The following AP1S3 variants were observed in gnomAD, a reference collection of about 807,000 sequenced individuals.
AP1S3 encodes AP-1 complex subunit sigma-3.
AP1S3 carries 10 observed loss-of-function variants against 20.9 expected under a neutral mutation model. That is an observed-to-expected ratio of 0.48 (90% CI 0.29 to 0.81). AP1S3 has a LOEUF of 0.81. AP1S3 is among the 30% of genes least tolerant of loss of function. The pLI is 0.08. For synonymous variants in AP1S3, 41 were observed against 61.5 expected (o/e 0.67, Z 1.56); for missense variants, 154 against 183.8 (o/e 0.84, Z 0.94).
chr2:223,759,338 A>ACCT (rs1690298372), intron 4 of AP1S3, among the ~76,000 whole-genome samples: 1 of 152,200 alleles, frequency 6.6e-6, no homozygotes, highest in Non-Finnish European at 1.5e-5. Flanking sequence ...AAAGTTGCCA[A>ACCT]GATATCACTG....
chr2:223,777,398 C>T (rs914525923), intron 2 of AP1S3, among the ~76,000 whole-genome samples: 9 of 151,738 alleles, frequency 5.9e-5, no homozygotes, highest in Non-Finnish European at 8.8e-5. Context: ...CCGCCTCCAA[C>T]AAATTAAAAA....
chr2:223,770,727 A>ATT lies in AP1S3; in HGVS notation c.291+5172_291+5173dup, dbSNP rs764596538. ...TCCAGGAAGACCCTTAGACCAGTTCATTTTTTTTTTTTTTTTTTTGGAAAC... is the reference window on the plus strand; with the variant it reads ...TCCAGGAAGACCCTTAGACCAGTTCATTTTTTTTTTTTTTTTTTTTTGGAAAC... On this transcript the variant is annotated intron_variant, in intron 3 of 4. Coordinates refer to ENST00000396654, the MANE Select transcript of AP1S3 (RefSeq NM_001039569.2). Among the ~76,000 whole-genome samples, 291 of 115,302 alleles carry ATT rather than the reference A, an allele frequency of 2.5e-3. 33 individuals are homozygous for ATT. The highest frequency in any genetic ancestry group is 7.9e-3 in the African/African-American group (217 of 27,456). The allele number at this position is 115,302 out of a possible 152,430, so 75.6% of individuals were successfully genotyped here.
At chr2:223,791,347 G>T (rs1163446327) in intron 1 of AP1S3, among the ~76,000 whole-genome samples, 4 of 152,124 alleles carry the variant, frequency 2.6e-5, no homozygotes, top group African/African-American at 9.7e-5. Context: ...GATCAAGTTG[G>T]CTTCATCCCC....
intron 3 of AP1S3, among the ~76,000 whole-genome samples, chr2:223,769,837 G>A (rs1303477627): frequency 2.2e-5 from 3 of 138,732 alleles, no homozygotes; most frequent in Non-Finnish European, 3.1e-5. Context: ...TCCGCCCCCC[G>A]GGGTTCACGC....
At chr2:223,836,196 A>C (rs1316721532) in intron 1 of AP1S3, among the ~76,000 whole-genome samples, 1 of 152,088 alleles carries the variant, frequency 6.6e-6, no homozygotes, top group Non-Finnish European at 1.5e-5. Flanking sequence ...GGTGCAGGTC[A>C]CTTCCCTTCT....
rs376277776 is a variant in AP1S3 at position 223,769,614 on chromosome 2, G to GCATTTT, written c.292-4265_292-4264insAAAATG. ...TTTCCCTGCTGTTGTATATGTTTCA[G>GCATTTT]CTATGTAGAAGCTGAAAAGAATAAG... On this transcript the variant is annotated intron_variant, in intron 3 of 4. Coordinates refer to ENST00000396654, the MANE Select transcript of AP1S3 (RefSeq NM_001039569.2). Among the ~76,000 whole-genome samples, 265 of 151,650 alleles carry GCATTTT rather than the reference G, an allele frequency of 1.7e-3. 3 individuals are homozygous for GCATTTT. The highest frequency in any genetic ancestry group is 2.7e-3 in the Non-Finnish European group (181 of 67,876).
chr2:223,829,515 G>T lies in AP1S3; in HGVS notation c.3+7933C>A, dbSNP rs557534253. On this transcript the variant is annotated intron_variant, in intron 1 of 4. Transcript: ENST00000396654. Reference sequence around the variant, plus strand: ...GCCAAGGCGGGGGAGATCACTTGAGGTCGGGAGTTCGAGACCAGTCTGACC... The same window carrying T: ...GCCAAGGCGGGGGAGATCACTTGAGTTCGGGAGTTCGAGACCAGTCTGACC... Among the ~76,000 whole-genome samples the T allele has an allele frequency of 2.0e-5, 3 of 152,162 alleles. No individual in the cohort carries two copies. In the South Asian group the frequency reaches 6.2e-4, roughly 32 times the overall value.
chr2:223,767,410 G>T (rs1690511075), intron 3 of AP1S3, among the ~76,000 whole-genome samples: 1 of 151,958 alleles, frequency 6.6e-6, no homozygotes, highest in South Asian at 2.1e-4. Flanking sequence ...CCCTGCATTT[G>T]TTTAAGAAGT....
chr2:223,784,363 G>A (rs1691025532), intron 1 of AP1S3, among the ~76,000 whole-genome samples: 2 of 152,010 alleles, frequency 1.3e-5, no homozygotes, highest in Non-Finnish European at 2.9e-5. Flanking sequence ...GGACTCCCTT[G>A]GCTCCTCCCA....
intron 3 of AP1S3, among the ~76,000 whole-genome samples, chr2:223,768,023 G>T (rs1690522082): frequency 6.6e-6 from 1 of 152,144 alleles, no homozygotes; most frequent in Non-Finnish European, 1.5e-5. Flanking sequence ...TGGCGGTTGT[G>T]CCTGCTCAGG....
intron 1 of AP1S3, among the ~76,000 whole-genome samples, chr2:223,778,821 C>T (rs1690854543): frequency 6.6e-6 from 1 of 151,934 alleles, no homozygotes; most frequent in African/African-American, 2.4e-5. Flanking sequence ...TTCAGCCTCC[C>T]AAGTAGCTGA....
At chr2:223,765,778 C>T (rs998477396) in intron 3 of AP1S3, among the ~76,000 whole-genome samples, 1 of 152,192 alleles carries the variant, frequency 6.6e-6, no homozygotes, top group East Asian at 1.9e-4. Context: ...ATTAGCTCAA[C>T]TGTGCTAATT....
At chr2:223,775,532 T>TA (rs1460617037) in intron 3 of AP1S3, among the ~76,000 whole-genome samples, 1 of 152,160 alleles carries the variant, frequency 6.6e-6, no homozygotes, top group African/African-American at 2.4e-5. Context: ...AAGATAAAGA[T>TA]ACATCCACCT....
chr2:223,780,802 CTG>C (rs1300092994), intron 1 of AP1S3, among the ~76,000 whole-genome samples: 2 of 149,994 alleles, frequency 1.3e-5, no homozygotes, highest in East Asian at 3.9e-4. Context: ...ATTTCAATTT[CTG>C]TGTTAGATTC....
At chr2:223,764,206 AC>A (rs35548570) in intron 4 of AP1S3, among the ~76,000 whole-genome samples, 28,324 of 152,126 alleles carry the variant, frequency 0.19, 4,585 homozygotes, top group African/African-American at 0.41. Context: ...GGAGTGAGCC[AC>A]CGCATCCGGC....
chr2:223,800,435 G>C (rs1272437057), intron 1 of AP1S3, among the ~76,000 whole-genome samples: 4 of 152,042 alleles, frequency 2.6e-5, no homozygotes, highest in African/African-American at 4.8e-5. Context: ...AGGAGGCTGA[G>C]GTGGGAGGGT....
At chr2:223,813,193 C>T (rs1187281320) in intron 1 of AP1S3, among the ~76,000 whole-genome samples, 1 of 152,068 alleles carries the variant, frequency 6.6e-6, no homozygotes, top group African/African-American at 2.4e-5. Flanking sequence ...GTGATCTACC[C>T]CACTCAGCCT....
chr2:223,775,147 C>A (rs547596286), intron 3 of AP1S3, among the ~76,000 whole-genome samples: 2 of 152,068 alleles, frequency 1.3e-5, no homozygotes, highest in Non-Finnish European at 2.9e-5. Context: ...GGTGTCAACC[C>A]GCAGGAGGGT....
At chr2:223,790,378 C>G (rs1691187631) in intron 1 of AP1S3, among the ~76,000 whole-genome samples, 1 of 151,902 alleles carries the variant, frequency 6.6e-6, no homozygotes, top group African/African-American at 2.4e-5. Flanking sequence ...ATTACAGGCA[C>G]CTGTCACCAT....
Sources: allele counts gnomAD v4.1 joint callset (sites outside exome capture counted in the v4.1 genomes callset), GRCh38; gene constraint gnomAD v4.1.1; transcripts MANE v1.5; gene names NCBI Gene and HGNC (gene_info 2026-07-23, HGNC 2026-07-21).